UFM1: variants seen among roughly 807,000 people sequenced by gnomAD.
UFM1 encodes the protein ubiquitin-fold modifier 1.
UFM1 carries 9 observed loss-of-function variants against 15.4 expected under a neutral mutation model. That is an observed-to-expected ratio of 0.59 (90% CI 0.35 to 1.02). UFM1 has a LOEUF of 1.02. Ranked by LOEUF, UFM1 falls within the 50% of genes least tolerant of loss-of-function variation. UFM1 has a pLI of 0.02. For synonymous variants in UFM1, 27 were observed against 36.3 expected, an observed-to-expected ratio of 0.74 and a Z score of 0.92; for missense variants, 98 against 104.7, an observed-to-expected ratio of 0.94 and a Z score of 0.28.
At chr13:38,351,867 G>A (rs1236076948) in intron 2 of UFM1, among the ~76,000 whole-genome samples, 2 of 151,908 alleles carry the variant, frequency 1.3e-5, no homozygotes, top group Admixed American at 1.3e-4. Flanking sequence ...GTATAAGGAT[G>A]TGTGTGTGGA....
intron 3 of UFM1, among the ~76,000 whole-genome samples, chr13:38,355,095 C>T (rs1007567875): frequency 6.6e-6 from 1 of 151,938 alleles, no homozygotes; most frequent in East Asian, 1.9e-4. Context: ...CAAATCAAAA[C>T]GTTTTGGTTC....
rs140838833 is a variant in UFM1 at position 38,362,325 on chromosome 13, A to G, written c.*1547A>G. 11 of 152,354 alleles carry G rather than the reference A, an allele frequency of 7.2e-5. No individual in the cohort carries two copies. In the East Asian group the frequency reaches 1.9e-3, roughly 27 times the overall value. 9.4% of individuals were successfully genotyped at this position (152,354 alleles called of 1,614,324 possible). On this transcript the variant is annotated 3_prime_UTR_variant, in exon 6 of 6. Transcript: ENST00000239878. ...ACAGAATCAGCATTTGAAGTGTACC[A>G]TTGGTAGTTGTTTATGAAATTACCA...
intron 2 of UFM1, among the ~76,000 whole-genome samples, chr13:38,352,274 T>C (rs993803933): frequency 1.3e-5 from 2 of 152,024 alleles, no homozygotes; most frequent in African/African-American, 4.8e-5. Flanking sequence ...ATTTTTTGTA[T>C]TTTTAGTAGA....
chr13:38,350,500 A>G (rs1878790617), intron 2 of UFM1, among the ~76,000 whole-genome samples: 1 of 152,192 alleles, frequency 6.6e-6, no homozygotes, highest in Admixed American at 6.5e-5. Flanking sequence ...TTACTTGAAC[A>G]TTTGTTATTC....
chr13:38,350,651 A>G (rs1244378011), intron 2 of UFM1, among the ~76,000 whole-genome samples: 1 of 152,218 alleles, frequency 6.6e-6, no homozygotes, highest in Non-Finnish European at 1.5e-5. Flanking sequence ...GGGATAGTTT[A>G]TCCATGTGGG....
Position 38,360,930 on chromosome 13 carries a change from A to G in UFM1, c.*152A>G, listed in dbSNP as rs368999268. 11 of 585,028 alleles carry G rather than the reference A, an allele frequency of 1.9e-5. No individual in the cohort carries two copies. The highest frequency in any genetic ancestry group is 1.7e-4 in the African/African-American group (9 of 53,086). 36.2% of individuals were successfully genotyped at this position (585,028 alleles called of 1,614,324 possible). The stretch of plus-strand genomic sequence containing the variant: ...ACTCATCTGTCCCTTTTTGTTGTCC[A>G]TACTCTTCCTATGAAGAGGGAATGC... On this transcript the variant is annotated 3_prime_UTR_variant, in exon 6 of 6. Transcript: ENST00000239878.
At chr13:38,356,857 T>G (rs1879123412) in intron 3 of UFM1, among the ~76,000 whole-genome samples, 1 of 151,854 alleles carries the variant, frequency 6.6e-6, no homozygotes, top group African/African-American at 2.4e-5. Context: ...AACTATAATA[T>G]CTATAAAGTT....
At position 38,354,294 on chromosome 13, in the gene UFM1, GAAGT is replaced by G. The variant is rs1354784231; in HGVS notation, c.117+4_117+7del. 2 of 1,609,812 alleles carry G rather than the reference GAAGT, an allele frequency of 1.2e-6. No individual in the cohort carries two copies. Among genetic ancestry groups the G allele is most frequent in the South Asian group, 1.1e-5 (1 of 90,580 alleles). The stretch of plus-strand genomic sequence containing the variant: ...AGCAGTCTTAAAGTTTGCAGCAGAA[GAAGT>G]AAGTACAGAAGTTGGAACAACCTTT... On this transcript the variant is annotated splice_donor_variant and coding_sequence_variant, in exon 3 of 6. Coordinates refer to ENST00000239878, the MANE Select transcript of UFM1 (RefSeq NM_016617.4). LOFTEE classifies it high-confidence loss of function.
intron 3 of UFM1, among the ~76,000 whole-genome samples, chr13:38,355,471 A>T (rs1566031970): frequency 6.6e-6 from 1 of 151,970 alleles, no homozygotes; most frequent in Non-Finnish European, 1.5e-5. Flanking sequence ...CAGATTTAAG[A>T]AGTAGATCTA....
At chr13:38,350,945 A>C (rs938449780) in intron 2 of UFM1, among the ~76,000 whole-genome samples, 5 of 152,148 alleles carry the variant, frequency 3.3e-5, no homozygotes, top group African/African-American at 1.2e-4. Flanking sequence ...CTAGAACCTT[A>C]AGATTCCAAT....
rs1296652749 is a variant in UFM1, at chr13:38,362,108, C to G, written c.*1330C>G. On this transcript the variant is annotated 3_prime_UTR_variant, in exon 6 of 6. Transcript: ENST00000239878. ...TAATGATTCAGAATCAGTGCTTGAC[C>G]TCCTGTATTCTGAATGGTGAACTCT... 6.6e-6 allele frequency: 1 copy of G among 152,164 alleles called. No homozygotes were observed. Among genetic ancestry groups the G allele is most frequent in the Non-Finnish European group, 1.5e-5 (1 of 68,026 alleles). 9.4% of individuals were successfully genotyped at this position (152,164 alleles called of 1,614,324 possible). A position where few individuals can be genotyped will look rare whatever the true frequency, so the allele number is the denominator to read the frequency against.
At chr13:38,350,239 C>T in intron 2 of UFM1, 184 bp downstream of exon 2, 2 of 1,601,482 alleles carry the variant, frequency 1.2e-6, no homozygotes, top group Non-Finnish European at 1.7e-6. Flanking sequence ...TCCGTACTTG[C>T]TCGCTAAGTG....
intron 4 of UFM1, 101 bp from the exon 5 acceptor site, chr13:38,359,200 A>G (rs1566033968): frequency 5.1e-6 from 5 of 973,532 alleles, no homozygotes; most frequent in South Asian, 1.6e-5. Context: ...GCTTATGTCT[A>G]TATACACAAC....
chr13:38,349,912 G>C lies in UFM1; in HGVS notation c.-8G>C. The C allele has an allele frequency of 6.2e-7, 1 of 1,614,120 alleles. No homozygotes were observed. Among genetic ancestry groups the C allele is most frequent in the Non-Finnish European group, 8.5e-7 (1 of 1,180,032 alleles). ...TGTCGTGTGTTCTGGATTCATTCCG[G>C]CACCACCATGTAAGTGTTTGCTTAC... On this transcript the variant is annotated 5_prime_UTR_variant, in exon 1 of 6. Transcript: ENST00000239878.
chr13:38,350,275 C>G, intron 2 of UFM1: 1 of 1,547,694 alleles, frequency 6.5e-7, no homozygotes. Context: ...GGCCCCGTCA[C>G]GAGGGTGTGG....
chr13:38,357,532 A>T (rs1794799683), intron 3 of UFM1, among the ~76,000 whole-genome samples: 1 of 151,540 alleles, frequency 6.6e-6, no homozygotes, highest in Non-Finnish European at 1.5e-5. Context: ...TTACAGATAA[A>T]GCATATGATA....
At chr13:38,353,147 A>G (rs1878937024) in intron 2 of UFM1, among the ~76,000 whole-genome samples, 1 of 152,120 alleles carries the variant, frequency 6.6e-6, no homozygotes, top group Non-Finnish European at 1.5e-5. Flanking sequence ...ATCTATTCAC[A>G]TTTCTATTAC....
chr13:38,359,068 C>T (rs1879256487), intron 4 of UFM1, among the ~76,000 whole-genome samples: 1 of 151,964 alleles, frequency 6.6e-6, no homozygotes, highest in African/African-American at 2.4e-5. Context: ...TTACCAGGAT[C>T]ATTGCATTGA....
At chr13:38,355,608 G>A (rs542688567) in intron 3 of UFM1, among the ~76,000 whole-genome samples, 27 of 151,812 alleles carry the variant, frequency 1.8e-4, no homozygotes, top group South Asian at 6.2e-4. Flanking sequence ...ATACAGTAGT[G>A]AATAAGAAAC....
Sources: allele counts gnomAD v4.1 joint callset (sites outside exome capture counted in the v4.1 genomes callset), GRCh38; gene constraint gnomAD v4.1.1; transcripts MANE v1.5; gene names NCBI Gene and HGNC (gene_info 2026-07-23, HGNC 2026-07-21).